The following TANC1 variants were observed in gnomAD, a reference collection of about 807,000 sequenced individuals.
TANC1 encodes tetratricopeptide repeat, ankyrin repeat and coiled-coil containing 1.
In TANC1, 77 loss-of-function variants were observed where a neutral mutation model predicts 149.7. That is an observed-to-expected ratio of 0.51 (90% CI 0.43 to 0.62). TANC1 has a LOEUF of 0.62. Among genes scored for constraint, TANC1 ranks in the 20% least tolerant of loss-of-function variants. The pLI, the probability that TANC1 is intolerant of heterozygous loss-of-function variation, is 0.00. For missense variants in TANC1, 1,985 were observed against 2,321.8 expected (o/e 0.85, Z 2.98); for synonymous variants, 854 against 925.0 (o/e 0.92, Z 1.39).
At chr2:159,080,446 C>T (rs1425279208) in intron 3 of TANC1, among the ~76,000 whole-genome samples, 1 of 152,136 alleles carries the variant, frequency 6.6e-6, no homozygotes, top group Non-Finnish European at 1.5e-5. Context: ...GCTTCTGCCC[C>T]GTACGATCAG....
At chr2:159,063,445 G>A (rs919706692) in intron 2 of TANC1, among the ~76,000 whole-genome samples, 1 of 152,104 alleles carries the variant, frequency 6.6e-6, no homozygotes, top group African/African-American at 2.4e-5. Flanking sequence ...AGAGACGATT[G>A]AAACTTCCAG....
At chr2:159,073,036 C>G (rs754804559) in intron 3 of TANC1, among the ~76,000 whole-genome samples, 1 of 152,178 alleles carries the variant, frequency 6.6e-6, no homozygotes, top group Non-Finnish European at 1.5e-5. Flanking sequence ...GAAGTACTTG[C>G]ATTTTATGGT....
At chr2:159,125,937 T>C (rs894070439) in intron 4 of TANC1, among the ~76,000 whole-genome samples, 3 of 152,138 alleles carry the variant, frequency 2.0e-5, no homozygotes, top group Non-Finnish European at 4.4e-5. Flanking sequence ...TTCTCAACTT[T>C]AGAGGCTGCC....
chr2:159,180,787 G>A (rs544609927), intron 14 of TANC1, among the ~76,000 whole-genome samples: 3 of 152,352 alleles, frequency 2.0e-5, no homozygotes, highest in African/African-American at 7.2e-5. Flanking sequence ...ATGCAGTTAT[G>A]TGCAAAGTAC....
At chr2:159,202,817 CAT>C (rs1347603455) in intron 19 of TANC1, among the ~76,000 whole-genome samples, 2 of 152,156 alleles carry the variant, frequency 1.3e-5, no homozygotes, top group Non-Finnish European at 2.9e-5. Context: ...CTGTTTCAGG[CAT>C]TCCACAGCTG....
chr2:159,053,278 GA>G lies in TANC1; in HGVS notation c.-15-12606del, dbSNP rs767897331. On this transcript the variant is annotated intron_variant, in intron 2 of 26. Coordinates refer to ENST00000263635, the MANE Select transcript of TANC1 (RefSeq NM_033394.3). ...CCTTCAAGTCCAACAGAGCTTAAGG[GA>G]AAAAAAAAAAAGAGAAAAAAATAAA... Among the ~76,000 whole-genome samples the G allele has an allele frequency of 6.8e-3, 974 of 142,710 alleles. 12 individuals carry two copies. Among genetic ancestry groups the G allele is most frequent in the African/African-American group, 0.021 (831 of 38,736 alleles). The allele number at this position is 142,710 out of a possible 152,430, so 93.6% of individuals were successfully genotyped here. A position where few individuals can be genotyped will look rare whatever the true frequency, so the allele number is the denominator to read the frequency against.
At chr2:159,120,618 T>C (rs751293638) in intron 4 of TANC1, among the ~76,000 whole-genome samples, 1 of 152,202 alleles carries the variant, frequency 6.6e-6, no homozygotes, top group Non-Finnish European at 1.5e-5. Context: ...AGAATGAATT[T>C]CACTTAAAGC....
chr2:159,100,788 T>C (rs2046607442), intron 4 of TANC1, among the ~76,000 whole-genome samples: 2 of 152,214 alleles, frequency 1.3e-5, no homozygotes, highest in African/African-American at 4.8e-5. Flanking sequence ...GTATTTTTTT[T>C]CAGTGTCTAA....
At chr2:159,134,115 T>G (rs1294490736) in intron 4 of TANC1, among the ~76,000 whole-genome samples, 1 of 152,202 alleles carries the variant, frequency 6.6e-6, no homozygotes, top group Admixed American at 6.5e-5. Context: ...CCTGGGACTG[T>G]CAGGGCTATG....
chr2:159,059,169 T>G (rs1252397511), intron 2 of TANC1, among the ~76,000 whole-genome samples: 2 of 152,206 alleles, frequency 1.3e-5, no homozygotes, highest in Non-Finnish European at 2.9e-5. Context: ...TCTTAGAGAA[T>G]AAATTATAGT....
intron 4 of TANC1, among the ~76,000 whole-genome samples, chr2:159,119,040 C>G (rs913913066): frequency 6.6e-6 from 1 of 152,078 alleles, no homozygotes; most frequent in Non-Finnish European, 1.5e-5. Context: ...TCTGATTGTT[C>G]AAAATTGTTC....
At chr2:158,975,573 CTT>C (rs70994247) in intron 1 of TANC1, among the ~76,000 whole-genome samples, 3 of 146,014 alleles carry the variant, frequency 2.1e-5, no homozygotes, top group Non-Finnish European at 1.5e-5. Flanking sequence ...ACCACAATTA[CTT>C]TTTTTTTTTT....
chr2:158,977,645 G>A (rs185716905), intron 1 of TANC1, among the ~76,000 whole-genome samples: 8 of 150,238 alleles, frequency 5.3e-5, no homozygotes, highest in Admixed American at 4.6e-4. Flanking sequence ...ATAGTCCTGC[G>A]TGATCAAAAA....
At chr2:159,029,108 C>T (rs918560087) in intron 2 of TANC1, among the ~76,000 whole-genome samples, 1 of 152,164 alleles carries the variant, frequency 6.6e-6, no homozygotes, top group Non-Finnish European at 1.5e-5. Context: ...GCTGTTTATC[C>T]TTCTGTGACT....
rs190115119 is a variant in TANC1 at position 159,045,652 on chromosome 2, T to C, written c.-15-20244T>C. ...AATAGTCATTAATATTTGAGATATG[T>C]AACTTTTGAAAAATATTTGTATGGG... On this transcript the variant is annotated intron_variant, in intron 2 of 26. Coordinates refer to ENST00000263635, the MANE Select transcript of TANC1 (RefSeq NM_033394.3). Among the ~76,000 whole-genome samples, 196 of 152,340 alleles carry C rather than the reference T, an allele frequency of 1.3e-3. 2 individuals are homozygous for C. The Middle Eastern group carries it at 0.027, about 21-fold the overall frequency.
chr2:158,981,494 T>C (rs1409201003), intron 1 of TANC1, among the ~76,000 whole-genome samples: 2 of 6,316 alleles, frequency 3.2e-4, no homozygotes, highest in African/African-American at 6.0e-4. Flanking sequence ...ATAGCTTTTA[T>C]ATATATATAT....
chr2:159,216,535 G>A (rs540664175), intron 19 of TANC1, among the ~76,000 whole-genome samples: 22 of 152,220 alleles, frequency 1.4e-4, no homozygotes, highest in African/African-American at 3.4e-4. Context: ...TGATTCTTGC[G>A]ATGAGCAGAA....
intron 1 of TANC1, among the ~76,000 whole-genome samples, chr2:158,974,342 A>G (rs2033339212): frequency 6.6e-6 from 1 of 152,248 alleles, no homozygotes; most frequent in Non-Finnish European, 1.5e-5. Flanking sequence ...CAGGATTCCC[A>G]CGGATACTAA....
Position 159,217,540 on chromosome 2 carries a change from G to A in TANC1, c.3288G>A (p.Glu1096=). The A allele has an allele frequency of 6.2e-7, 1 of 1,614,250 alleles. No individual in the cohort carries two copies. The highest frequency in any genetic ancestry group is 8.5e-7 in the Non-Finnish European group (1 of 1,180,042). Reference sequence around the variant, plus strand: ...GAAGAGGGAAGCTGGAGGTCTGTGAGCTGCTGCTGGGGCATGGAGCTGCTG... The same window carrying A: ...GAAGAGGGAAGCTGGAGGTCTGTGAACTGCTGCTGGGGCATGGAGCTGCTG... The part of the protein sequence containing the change: ...AAGRGKLEVC[E]LLLGHGAAVS... Residue 1096 remains glutamate (E), a synonymous_variant, in exon 20 of 27, where the codon GAG becomes GAA. Coordinates refer to ENST00000263635, the MANE Select transcript of TANC1 (RefSeq NM_033394.3).
Sources: gnomAD v4.1 joint callset for allele counts (sites outside exome capture counted in the v4.1 genomes callset) on GRCh38, gnomAD v4.1.1 for gene constraint, MANE v1.5 for transcripts, NCBI Gene and HGNC (gene_info 2026-07-23, HGNC 2026-07-21) for gene names.